Variants in TENM4 observed in about 807,000 individuals in gnomAD.
TENM4 encodes the protein teneurin-4.
A neutral mutation model predicts 243.3 loss-of-function variants in TENM4; 82 were observed. The observed-to-expected ratio is 0.34, with a 90% CI of 0.28 to 0.40. TENM4 has a LOEUF of 0.40. Among genes scored for constraint, TENM4 ranks in the 10% least tolerant of loss-of-function variants. TENM4 has a pLI of 1.00. For synonymous variants in TENM4, 1,412 were observed against 1,456.3 expected (o/e 0.97, Z 0.69); for missense variants, 3,138 against 3,673.3 (o/e 0.85, Z 3.77).
intron 6 of TENM4, among the ~76,000 whole-genome samples, chr11:78,985,716 CTTTG>C (rs1347484257): frequency 4.6e-5 from 7 of 152,046 alleles, no homozygotes; most frequent in Admixed American, 2.6e-4. Flanking sequence ...TTTGACATAG[CTTTG>C]TTTTTTGTTC....
chr11:78,972,122 T>A (rs1044471678), intron 6 of TENM4, among the ~76,000 whole-genome samples: 2 of 152,162 alleles, frequency 1.3e-5, no homozygotes, highest in Admixed American at 1.3e-4. Flanking sequence ...TGAGATTTTT[T>A]AAAAAAACAA....
chr11:79,122,163 G>A (rs781268680), intron 4 of TENM4, among the ~76,000 whole-genome samples: 1 of 152,116 alleles, frequency 6.6e-6, no homozygotes, highest in South Asian at 2.1e-4. Context: ...GGTTCCTCTA[G>A]GGAATGCAAT....
At chr11:79,434,534 C>G (rs1019318830) in intron 1 of TENM4, among the ~76,000 whole-genome samples, 5 of 152,172 alleles carry the variant, frequency 3.3e-5, no homozygotes. Context: ...AACTCCATTG[C>G]TGGCTGAAGC....
chr11:78,668,827 A>G (rs1858229970), intron 32 of TENM4, 110 bp downstream of exon 32: 37 of 1,357,036 alleles, frequency 2.7e-5, no homozygotes, highest in Non-Finnish European at 3.7e-5. Flanking sequence ...TCTAAGAGAA[A>G]GTCAGTGTTT....
At chr11:79,382,915 T>C (rs1858034594) in intron 1 of TENM4, among the ~76,000 whole-genome samples, 1 of 152,148 alleles carries the variant, frequency 6.6e-6, no homozygotes, top group Admixed American at 6.5e-5. Flanking sequence ...GGATATGGTA[T>C]TAATTACTTC....
intron 7 of TENM4, among the ~76,000 whole-genome samples, chr11:78,894,571 C>T (rs1855744672): frequency 6.6e-6 from 1 of 152,100 alleles, no homozygotes; most frequent in Non-Finnish European, 1.5e-5. Flanking sequence ...GGTGATGCAA[C>T]AGAGTAAAGG....
intron 23 of TENM4, among the ~76,000 whole-genome samples, chr11:78,725,726 G>A (rs1424396926): frequency 6.6e-6 from 1 of 152,232 alleles, no homozygotes; most frequent in African/African-American, 2.4e-5. Context: ...TCTTGCCAAA[G>A]AGACACATTG....
Position 79,416,164 on chromosome 11 carries a change from C to A in TENM4, c.-321+24345G>T, listed in dbSNP as rs556783431. Among the ~76,000 whole-genome samples, 116 of 152,290 alleles carry A rather than the reference C, an allele frequency of 7.6e-4. 3 individuals carry two copies. The South Asian group carries it at 0.024, about 31-fold the overall frequency. ...TGTTGATGGACATTTGGGTGACTTA[C>A]AATTTTTGGCTATTACAAATAGAGG... On this transcript the variant is annotated intron_variant, in intron 1 of 33. Coordinates refer to ENST00000278550, the MANE Select transcript of TENM4 (RefSeq NM_001098816.3).
intron 1 of TENM4, among the ~76,000 whole-genome samples, chr11:79,359,625 A>C (rs1302442519): frequency 6.6e-6 from 1 of 152,160 alleles, no homozygotes; most frequent in East Asian, 1.9e-4. Flanking sequence ...TTAATAGAAC[A>C]AGTCTGCTGG....
At chr11:78,765,791 G>A (rs551958206) in intron 18 of TENM4, among the ~76,000 whole-genome samples, 6 of 152,322 alleles carry the variant, frequency 3.9e-5, no homozygotes, top group South Asian at 2.1e-4. Flanking sequence ...TACGCAGAGC[G>A]TCTAGCACAG....
At chr11:79,125,110 G>A (rs545032186) in intron 4 of TENM4, among the ~76,000 whole-genome samples, 2 of 151,802 alleles carry the variant, frequency 1.3e-5, no homozygotes, top group Non-Finnish European at 1.5e-5. Context: ...CTAATCCTGT[G>A]GAGAACACTG....
intron 6 of TENM4, among the ~76,000 whole-genome samples, chr11:78,988,394 C>G (rs942690754): frequency 3.3e-5 from 5 of 152,188 alleles, no homozygotes; most frequent in African/African-American, 1.2e-4. Context: ...ATTCCTGACT[C>G]TCAGAAACTG....
rs1236706248 is a variant in TENM4 at position 79,380,878 on chromosome 11, A to G, written c.-321+59631T>C. On this transcript the variant is annotated intron_variant, in intron 1 of 33. Transcript: ENST00000278550. ...AGCTTTGTAAGGAAGATCGAAGAAT[A>G]GAGGCTGTGTAGTAAGGCTTGGGGC... 7.9e-5 allele frequency among the ~76,000 whole-genome samples: 12 copies of G among 152,222 alleles called. No individual in the cohort carries two copies. In the East Asian group the frequency reaches 2.3e-3, roughly 29 times the overall value.
intron 11 of TENM4, among the ~76,000 whole-genome samples, chr11:78,855,696 T>C (rs759915368): frequency 4.6e-5 from 7 of 152,214 alleles, no homozygotes; most frequent in Non-Finnish European, 8.8e-5. Flanking sequence ...CTAGATCACA[T>C]TTCCTGGATA....
intron 3 of TENM4, among the ~76,000 whole-genome samples, chr11:79,157,764 A>G (rs1043038666): frequency 6.6e-6 from 1 of 152,172 alleles, no homozygotes; most frequent in Non-Finnish European, 1.5e-5. Flanking sequence ...GCTTTCTACC[A>G]TAATCCTACT....
intron 1 of TENM4, among the ~76,000 whole-genome samples, chr11:79,323,014 C>T (rs964012381): frequency 6.6e-6 from 1 of 152,122 alleles, no homozygotes; most frequent in African/African-American, 2.4e-5. Context: ...CTCAAATGGG[C>T]CTAAGACTCA....
intron 12 of TENM4, among the ~76,000 whole-genome samples, chr11:78,826,341 C>T (rs1857850756): frequency 6.6e-6 from 1 of 152,112 alleles, no homozygotes; most frequent in African/African-American, 2.4e-5. Flanking sequence ...CCCTCCTTGG[C>T]CTCCCAAAGT....
intron 4 of TENM4, among the ~76,000 whole-genome samples, chr11:79,140,033 A>AT (rs1565221115): frequency 6.6e-6 from 1 of 151,184 alleles, no homozygotes; most frequent in Non-Finnish European, 1.5e-5. Context: ...ATGGTCTCTT[A>AT]TTCACTCTGG....
At chr11:78,993,388 T>C (rs918500428) in intron 6 of TENM4, among the ~76,000 whole-genome samples, 1 of 152,208 alleles carries the variant, frequency 6.6e-6, no homozygotes, top group Admixed American at 6.5e-5. Context: ...CTGTGACTTG[T>C]TGAGTTTCCT....
Sources: gnomAD v4.1 joint callset for allele counts (sites outside exome capture counted in the v4.1 genomes callset) on GRCh38, gnomAD v4.1.1 for gene constraint, MANE v1.5 for transcripts, NCBI Gene and HGNC (gene_info 2026-07-23, HGNC 2026-07-21) for gene names.